The following MEIKIN variants were observed in gnomAD, a reference collection of about 807,000 sequenced individuals.
MEIKIN encodes meiosis-specific kinetochore protein.
intron 9 of MEIKIN, among the ~76,000 whole-genome samples, chr5:131,859,828 G>A (rs1750252355): frequency 6.6e-6 from 1 of 152,144 alleles, no homozygotes; most frequent in South Asian, 2.1e-4. Context: ...CCCCGTGTAT[G>A]TTCTTGATGG....
intron 11 of MEIKIN, among the ~76,000 whole-genome samples, chr5:131,845,997 A>C (rs1425530361): frequency 6.6e-6 from 1 of 152,210 alleles, no homozygotes; most frequent in East Asian, 1.9e-4. Flanking sequence ...AAACTTTAGA[A>C]AGAAAGACAA....
At chr5:131,866,136 T>C (rs954560900) in intron 9 of MEIKIN, among the ~76,000 whole-genome samples, 2 of 152,200 alleles carry the variant, frequency 1.3e-5, no homozygotes, top group African/African-American at 2.4e-5. Context: ...GAAAATCCAC[T>C]GGAACTCAGT....
chr5:131,876,713 A>G (rs1322631907), intron 9 of MEIKIN, among the ~76,000 whole-genome samples: 2 of 151,864 alleles, frequency 1.3e-5, no homozygotes, highest in African/African-American at 4.8e-5. Context: ...TTATTGAGGC[A>G]CTATTCACAA....
chr5:131,820,655 G>A (rs992037308), intron 11 of MEIKIN, among the ~76,000 whole-genome samples: 4 of 152,190 alleles, frequency 2.6e-5, no homozygotes, highest in African/African-American at 7.2e-5. Context: ...GAGGTCCTGC[G>A]CTTTTCTTTA....
At chr5:131,872,806 G>A (rs1750530541) in intron 9 of MEIKIN, among the ~76,000 whole-genome samples, 1 of 152,246 alleles carries the variant, frequency 6.6e-6, no homozygotes, top group South Asian at 2.1e-4. Context: ...TCTCTCGGCA[G>A]AAACTCTACA....
At chr5:131,875,840 G>A (rs537469571) in intron 9 of MEIKIN, among the ~76,000 whole-genome samples, 7 of 152,038 alleles carry the variant, frequency 4.6e-5, no homozygotes, top group Admixed American at 6.6e-5. Flanking sequence ...AAATAATGTC[G>A]CATATCTACA....
At chr5:131,821,060 T>C (rs900121084) in intron 11 of MEIKIN, among the ~76,000 whole-genome samples, 2 of 152,196 alleles carry the variant, frequency 1.3e-5, no homozygotes, top group Non-Finnish European at 2.9e-5. Context: ...GCTTTGCTCC[T>C]GCTTTTTCTA....
At chr5:131,865,136 T>G (rs1750360783) in intron 9 of MEIKIN, among the ~76,000 whole-genome samples, 1 of 152,144 alleles carries the variant, frequency 6.6e-6, no homozygotes, top group Non-Finnish European at 1.5e-5. Flanking sequence ...TTTTTCTGAT[T>G]TCTTTGTATT....
intron 8 of MEIKIN, among the ~76,000 whole-genome samples, chr5:131,903,242 T>C (rs527891256): frequency 5.9e-5 from 9 of 152,144 alleles, no homozygotes; most frequent in Non-Finnish European, 1.3e-4. Context: ...ATATCATCCA[T>C]GAAAATTTCC....
rs575713078 is a variant in MEIKIN, at chr5:131,870,258, C to A, written c.774+8720G>T. 2.0e-3 allele frequency among the ~76,000 whole-genome samples: 311 copies of A among 152,068 alleles called. 1 individual carries two copies. The highest frequency in any genetic ancestry group is 0.017 in the Middle Eastern group (5 of 294). ...ATCAAAAATAACATAGACACACACA[C>A]AAAAAAAGTCTTTATAATACTGGAC... is the stretch of plus-strand genomic sequence containing the variant. On this transcript the variant is annotated intron_variant, in intron 9 of 12. Coordinates refer to ENST00000442687, the MANE Select transcript of MEIKIN (RefSeq NM_001303622.2).
intron 11 of MEIKIN, among the ~76,000 whole-genome samples, chr5:131,835,482 G>A (rs575757021): frequency 2.6e-5 from 4 of 152,060 alleles, no homozygotes; most frequent in Non-Finnish European, 5.9e-5. Flanking sequence ...TGTTTCAGGA[G>A]TTTTATTATG....
chr5:131,893,696 G>A lies in MEIKIN; in HGVS notation c.704-14648C>T, dbSNP rs142391402. Among the ~76,000 whole-genome samples the A allele has an allele frequency of 3.8e-3, 580 of 152,280 alleles. 4 individuals carry two copies. Among genetic ancestry groups the A allele is most frequent in the African/African-American group, 0.013 (540 of 41,550 alleles). On this transcript the variant is annotated intron_variant, in intron 8 of 12. Coordinates refer to ENST00000442687, the MANE Select transcript of MEIKIN (RefSeq NM_001303622.2). ...TTCTGCGTCGCTCATGCTGGGACCC[G>A]CAGACTGGAGCTGTTCCTATTCGGC... is the stretch of plus-strand genomic sequence containing the variant.
intron 8 of MEIKIN, among the ~76,000 whole-genome samples, chr5:131,882,568 T>C (rs1750717951): frequency 6.6e-6 from 1 of 152,194 alleles, no homozygotes; most frequent in South Asian, 2.1e-4. Context: ...CTATTTAAAT[T>C]CATTTAAAAT....
intron 4 of MEIKIN, among the ~76,000 whole-genome samples, chr5:131,938,469 A>C (rs1751818650): frequency 6.6e-6 from 1 of 152,106 alleles, no homozygotes; most frequent in African/African-American, 2.4e-5. Flanking sequence ...TGCCTGGCCA[A>C]AACTCACCCT....
chr5:131,903,012 G>A (rs1052946295), intron 8 of MEIKIN, among the ~76,000 whole-genome samples: 19 of 152,078 alleles, frequency 1.2e-4, no homozygotes, highest in African/African-American at 1.9e-4. Context: ...TAATGCAATC[G>A]CAAGTATTAA....
intron 9 of MEIKIN, among the ~76,000 whole-genome samples, chr5:131,857,641 C>G (rs1750218220): frequency 6.6e-6 from 1 of 152,212 alleles, no homozygotes; most frequent in South Asian, 2.1e-4. Context: ...CGTCAGAGAG[C>G]TCCCGCTGAC....
chr5:131,813,727 G>T (rs534408430), intron 12 of MEIKIN, among the ~76,000 whole-genome samples: 3 of 151,404 alleles, frequency 2.0e-5, no homozygotes, highest in Non-Finnish European at 4.4e-5. Flanking sequence ...GTGCCCAGCC[G>T]ATCTTTAACT....
intron 11 of MEIKIN, among the ~76,000 whole-genome samples, chr5:131,828,479 A>C (rs770930442): frequency 3.9e-5 from 6 of 152,166 alleles, no homozygotes; most frequent in Non-Finnish European, 8.8e-5. Flanking sequence ...TAAGATTTGG[A>C]AGATAAAATT....
intron 4 of MEIKIN, among the ~76,000 whole-genome samples, chr5:131,935,611 G>A (rs964593998): frequency 2.0e-5 from 3 of 152,116 alleles, no homozygotes; most frequent in East Asian, 1.9e-4. Flanking sequence ...TGCGGGGGTC[G>A]GGGGTGGTGA....
Sources: gnomAD v4.1 joint callset for allele counts (sites outside exome capture counted in the v4.1 genomes callset) on GRCh38, gnomAD v4.1.1 for gene constraint, MANE v1.5 for transcripts, NCBI Gene and HGNC (gene_info 2026-07-23, HGNC 2026-07-21) for gene names.